The following OR2AK2 variants were observed in gnomAD, a reference collection of about 807,000 sequenced individuals.
OR2AK2 encodes olfactory receptor family 2 subfamily AK member 2.
For synonymous variants in OR2AK2, 139 were observed against 147.2 expected, an observed-to-expected ratio of 0.94 and a Z score of 0.40; for missense variants, 392 against 384.1, an observed-to-expected ratio of 1.02 and a Z score of -0.17.
rs759656004 is a variant in OR2AK2 at position 247,965,621 on chromosome 1, C to T, written c.245C>T (p.Ala82Val). The stretch of plus-strand genomic sequence containing the variant: ...ATCTCCACCACAGTGCCCAAGATGG[C>T]AGTCAGCTTCCTCTCACAGAGTAAG... The change falls in exon 1 of 1, where the codon GCA becomes GTA. Residue 82 changes from alanine (A) to valine (V), a missense_variant. Physicochemically the swap from Ala to Val is moderately conservative, Grantham distance 64. Transcript: ENST00000366480. 6.4e-6 allele frequency: 10 copies of T among 1,556,804 alleles called. No individual in the cohort carries two copies. The Admixed American group carries it at 1.9e-4, about 30-fold the overall frequency.
chr1:247,965,972 T>C, exon 1 of OR2AK2: 1 of 1,610,010 alleles, frequency 6.2e-7, no homozygotes, highest in East Asian at 2.2e-5. Context: ...GAGTATACAG[T>C]CCTCCTGAGT....
exon 1 of OR2AK2, chr1:247,965,679 G>T (rs74153216): frequency 1.3e-6 from 2 of 1,551,644 alleles, no homozygotes; most frequent in Non-Finnish European, 1.7e-6. Flanking sequence ...AGATTCAAAC[G>T]TATGTGTTCT....
At chr1:247,966,123 C>G in exon 1 of OR2AK2, 1 of 1,614,148 alleles carries the variant, frequency 6.2e-7, no homozygotes, top group Non-Finnish European at 8.5e-7. Context: ...TTGTGGCAAG[C>G]CTGTTCTATG....
At chr1:247,965,717 T>G in exon 1 of OR2AK2, 1 of 1,555,862 alleles carries the variant, frequency 6.4e-7, no homozygotes, top group Non-Finnish European at 8.7e-7. Context: ...GAAGCCCTTC[T>G]CCTTGGTTTT....
chr1:247,966,223 C>A (rs1660971950), exon 1 of OR2AK2: 1 of 1,613,458 alleles, frequency 6.2e-7, no homozygotes. Context: ...CATTGTCACA[C>A]CTCTACTGAA....
chr1:247,965,582 T>C, exon 1 of OR2AK2: 1 of 1,596,398 alleles, frequency 6.3e-7, no homozygotes, highest in Non-Finnish European at 8.5e-7. Flanking sequence ...CTCTCCATCG[T>C]TGACCTCATG....
chr1:247,965,787 C>A (rs777334171), exon 1 of OR2AK2: 5 of 1,600,828 alleles, frequency 3.1e-6, no homozygotes, highest in Non-Finnish European at 3.4e-6. Context: ...TGCTTATGAG[C>A]AAGAAGATCT....
chr1:247,965,615 A>G, exon 1 of OR2AK2: 1 of 1,560,218 alleles, frequency 6.4e-7, no homozygotes, highest in Non-Finnish European at 8.7e-7. Flanking sequence ...ACAGTGCCCA[A>G]GATGGCAGTC....
chr1:247,965,553 G>A, exon 1 of OR2AK2: 1 of 1,610,020 alleles, frequency 6.2e-7, no homozygotes, highest in Non-Finnish European at 8.5e-7. Flanking sequence ...ACACTCCAAT[G>A]TACTTTCTGC....
exon 1 of OR2AK2, chr1:247,965,885 G>A: frequency 1.9e-6 from 3 of 1,613,648 alleles, no homozygotes; most frequent in Non-Finnish European, 2.5e-6. Context: ...CCATTCTGTA[G>A]GTCTCGGCTC....
chr1:247,966,002 T>A (rs143777155), exon 1 of OR2AK2: 2 of 1,612,846 alleles, frequency 1.2e-6, no homozygotes, highest in Non-Finnish European at 1.7e-6. Flanking sequence ...ATCTTGCTAC[T>A]ACCATTCCTA....
exon 1 of OR2AK2, chr1:247,966,316 T>C: frequency 6.2e-7 from 1 of 1,612,994 alleles, no homozygotes; most frequent in Non-Finnish European, 8.5e-7. Flanking sequence ...CTGTAGAAAA[T>C]ATGACTTCAG....
chr1:247,966,021 G>T (rs769965428), exon 1 of OR2AK2: 4 of 1,613,708 alleles, frequency 2.5e-6, no homozygotes, highest in Non-Finnish European at 3.4e-6. Context: ...TAGCCATTCT[G>T]GCTTCCTATG....
exon 1 of OR2AK2, chr1:247,966,043 A>G: frequency 6.2e-7 from 1 of 1,614,026 alleles, no homozygotes; most frequent in Non-Finnish European, 8.5e-7. Flanking sequence ...TCGTGTGCTT[A>G]TTGTGGTATT....
exon 1 of OR2AK2, chr1:247,966,242 T>A (rs1305832456): frequency 6.2e-7 from 1 of 1,613,186 alleles, no homozygotes; most frequent in African/African-American, 1.3e-5. Flanking sequence ...AACCCATTTA[T>A]CTACAGCCTG....
At chr1:247,966,119 C>G in exon 1 of OR2AK2, 2 of 1,614,156 alleles carry the variant, frequency 1.2e-6, no homozygotes, top group Non-Finnish European at 1.7e-6. Context: ...CTGATTGTGG[C>G]AAGCCTGTTC....
Position 247,965,335 on chromosome 1 carries a change from A to G in OR2AK2, c.-42A>G. On this transcript the variant is annotated 5_prime_UTR_variant, in exon 1 of 1. An upstream open reading frame in the 5' UTR loses its in-frame stop. Coordinates refer to ENST00000366480, the Ensembl canonical transcript of OR2AK2. ...TAAGGGAAGTCAACATTATTACATGAACATTTCAGATGTCATCTCCTTTGA... is the reference window on the plus strand; with the variant it reads ...TAAGGGAAGTCAACATTATTACATGGACATTTCAGATGTCATCTCCTTTGA... The G allele has an allele frequency of 1.3e-6, 2 of 1,555,954 alleles. No individual in the cohort carries two copies. Among genetic ancestry groups the G allele is most frequent in the Non-Finnish European group, 1.7e-6 (2 of 1,154,180 alleles).
chr1:247,965,557 T>C (rs1660947827), exon 1 of OR2AK2: 1 of 1,608,376 alleles, frequency 6.2e-7, no homozygotes, highest in South Asian at 1.1e-5. Context: ...TCCAATGTAC[T>C]TTCTGCTCAG....
At chr1:247,965,962 G>A in exon 1 of OR2AK2, 2 of 1,609,330 alleles carry the variant, frequency 1.2e-6, no homozygotes, top group Non-Finnish European at 1.7e-6. Context: ...CTCCCAGTAT[G>A]AGTATACAGT....
Sources: gnomAD v4.1 joint callset for allele counts on GRCh38, gnomAD v4.1.1 for gene constraint, MANE v1.5 for transcripts, NCBI Gene and HGNC (gene_info 2026-07-23, HGNC 2026-07-21) for gene names.